Variants in LUZP1 observed in about 807,000 individuals in gnomAD.
The protein encoded by LUZP1 is leucine zipper protein 1.
A neutral mutation model predicts 71.3 loss-of-function variants in LUZP1; 25 were observed. The observed-to-expected ratio is 0.35, with a 90% confidence interval of 0.26 to 0.49. The LOEUF is 0.49. Among genes scored for constraint, LUZP1 ranks in the 20% least tolerant of loss-of-function variants. LUZP1 has a pLI of 0.99. For missense variants in LUZP1, 1,142 were observed against 1,300.8 expected (o/e 0.88, Z 1.88); for synonymous variants, 481 against 506.4 (o/e 0.95, Z 0.67).
At chr1:23,138,557 T>C (rs1055899456) in intron 2 of LUZP1, among the ~76,000 whole-genome samples, 5 of 152,026 alleles carry the variant, frequency 3.3e-5, no homozygotes, top group African/African-American at 4.8e-5. Context: ...ATAAAAATGT[T>C]CTGAAATTAA....
chr1:23,141,865 GAC>G (rs1644306010), intron 2 of LUZP1, among the ~76,000 whole-genome samples: 2 of 144,376 alleles, frequency 1.4e-5, no homozygotes, highest in African/African-American at 5.2e-5. Context: ...TTTTTTTTGA[GAC>G]AGTTTTGCTT....
intron 2 of LUZP1, chr1:23,141,082 C>T (rs748372468): frequency 6.6e-6 from 1 of 152,318 alleles, no homozygotes; most frequent in African/African-American, 2.4e-5. Flanking sequence ...GGCTGGGAGA[C>T]GAACAGTCCC....
At chr1:23,113,544 G>A (rs899232833) in intron 2 of LUZP1, among the ~76,000 whole-genome samples, 8 of 151,936 alleles carry the variant, frequency 5.3e-5, no homozygotes, top group Admixed American at 5.2e-4. Context: ...CTCAGACAAA[G>A]ATATTAACAG....
chr1:23,101,330 T>C (rs1643930395), intron 3 of LUZP1, among the ~76,000 whole-genome samples: 2 of 152,196 alleles, frequency 1.3e-5, no homozygotes, highest in South Asian at 4.1e-4. Flanking sequence ...CTACTACTAT[T>C]ATTCTATTCA....
Position 23,094,371 on chromosome 1 carries a change from C to G in LUZP1, c.-110G>C. The G allele has an allele frequency of 1.4e-6, 2 of 1,471,996 alleles. No individual in the cohort carries two copies. The highest frequency in any genetic ancestry group is 3.0e-5 in the South Asian group (2 of 67,424). The allele number at this position is 1,471,996 out of a possible 1,614,324, so 91.2% of individuals were successfully genotyped here. On this transcript the variant is annotated 5_prime_UTR_variant, in exon 4 of 5. An upstream start codon of the reference 5' UTR is lost. Transcript: ENST00000302291. The surrounding 1 kb of genome is among the most constrained non-coding windows in gnomAD (Gnocchi z 4.7). ...ACAATCTTCTTTGACAGCTGGAGACCATCATCAATCTACAAAAGGAAAGTA... is the reference window on the plus strand; with the variant it reads ...ACAATCTTCTTTGACAGCTGGAGACGATCATCAATCTACAAAAGGAAAGTA...
chr1:23,165,278 T>C (rs1410536527), intron 2 of LUZP1, among the ~76,000 whole-genome samples: 1 of 151,956 alleles, frequency 6.6e-6, no homozygotes, highest in Non-Finnish European at 1.5e-5. Flanking sequence ...ATTATACAAC[T>C]GTATACATGT....
intron 2 of LUZP1, among the ~76,000 whole-genome samples, chr1:23,163,383 CAAA>C (rs796743872): frequency 7.5e-6 from 1 of 133,338 alleles, no homozygotes; most frequent in Non-Finnish European, 1.6e-5. Flanking sequence ...CCTATCTCTA[CAAA>C]AAAAAAAAAA....
intron 2 of LUZP1, among the ~76,000 whole-genome samples, chr1:23,118,397 C>CA (rs551636175): frequency 3.3e-5 from 5 of 151,106 alleles, no homozygotes; most frequent in Non-Finnish European, 5.9e-5. Context: ...GACTCCATCT[C>CA]AAAAAAAAAT....
chr1:23,174,765 A>G (rs905107924), intron 1 of LUZP1, among the ~76,000 whole-genome samples: 1 of 152,228 alleles, frequency 6.6e-6, no homozygotes, highest in African/African-American at 2.4e-5. Context: ...ATGATTACCC[A>G]GTATGATTGA....
chr1:23,167,760 C>A (rs2148217828), intron 2 of LUZP1, among the ~76,000 whole-genome samples: 1 of 152,316 alleles, frequency 6.6e-6, no homozygotes, highest in East Asian at 1.9e-4. Context: ...GCTCCGAAGC[C>A]CCAGCGCGGC....
At chr1:23,164,349 G>A (rs1409109529) in intron 2 of LUZP1, among the ~76,000 whole-genome samples, 2 of 152,094 alleles carry the variant, frequency 1.3e-5, no homozygotes, top group East Asian at 1.9e-4. Context: ...CAAAAAATTA[G>A]CCGGGCATGG....
intron 2 of LUZP1, chr1:23,140,183 T>A (rs1644291485): frequency 6.6e-6 from 1 of 151,668 alleles, no homozygotes; most frequent in Non-Finnish European, 1.5e-5. Context: ...GCCTGGCTAT[T>A]CTTCTCACTC....
chr1:23,157,210 T>C lies in LUZP1; in HGVS notation c.-226+11556A>G, dbSNP rs1439972142. ...TAGTAGATGTGGTAGTGCGTGCCTA[T>C]AGTCCTAGCTACTAGGGAGGCTAAA... On this transcript the variant is annotated intron_variant, in intron 2 of 4. Coordinates refer to ENST00000302291, the Ensembl canonical transcript of LUZP1. Among the ~76,000 whole-genome samples, 3 of 152,298 alleles carry C rather than the reference T, an allele frequency of 2.0e-5. No homozygotes were observed. The East Asian group carries it at 5.8e-4, about 29-fold the overall frequency.
At chr1:23,095,545 G>A (rs1025774784) in intron 3 of LUZP1, among the ~76,000 whole-genome samples, 1 of 152,166 alleles carries the variant, frequency 6.6e-6, no homozygotes, top group African/African-American at 2.4e-5. Context: ...CAAGGAGTTT[G>A]GGTTCTAACA....
intron 2 of LUZP1, among the ~76,000 whole-genome samples, chr1:23,117,487 C>T (rs1557653821): frequency 5.8e-5 from 4 of 69,522 alleles, no homozygotes; most frequent in South Asian, 7.9e-4. Context: ...CCCCCCCCCC[C>T]CCCCACAATC....
intron 2 of LUZP1, chr1:23,164,091 T>C (rs1016743089): frequency 3.9e-5 from 6 of 152,198 alleles, no homozygotes; most frequent in African/African-American, 1.2e-4. Flanking sequence ...TATTTCCTAA[T>C]GGTATACGGA....
intron 1 of LUZP1, among the ~76,000 whole-genome samples, chr1:23,171,992 T>C (rs551822854): frequency 1.3e-5 from 2 of 152,352 alleles, no homozygotes; most frequent in South Asian, 4.1e-4. Flanking sequence ...TTACTAGTTA[T>C]GTAATCTTGG....
chr1:23,164,315 G>A (rs1644493261), intron 2 of LUZP1, among the ~76,000 whole-genome samples: 1 of 152,142 alleles, frequency 6.6e-6, no homozygotes, highest in Admixed American at 6.5e-5. Context: ...CTAACGCGGT[G>A]AAATGCCATC....
intron 2 of LUZP1, chr1:23,109,495 T>A (rs545197300): frequency 5.3e-5 from 8 of 152,376 alleles, no homozygotes; most frequent in Non-Finnish European, 1.2e-4. Context: ...AGGTTGAGCA[T>A]CCCTGATCTG....
Sources: allele counts gnomAD v4.1 joint callset (sites outside exome capture counted in the v4.1 genomes callset), GRCh38; gene constraint gnomAD v4.1.1; non-coding constraint Gnocchi (gnomAD v3.1); transcripts MANE v1.5; gene names NCBI Gene and HGNC (gene_info 2026-07-23, HGNC 2026-07-21).